The following IKBKB variants were observed in gnomAD, a reference collection of about 807,000 sequenced individuals.
The protein encoded by IKBKB is inhibitor of nuclear factor kappa B kinase subunit beta.
In IKBKB, 42 loss-of-function variants were observed where a neutral mutation model predicts 113.6. The ratio of observed to expected loss-of-function variants is 0.37; its 90% CI spans 0.29 to 0.48. The LOEUF (loss-of-function observed/expected upper bound fraction) is 0.48. Among genes scored for constraint, IKBKB ranks in the 20% least tolerant of loss-of-function variants. The pLI, the probability that IKBKB is intolerant of heterozygous loss-of-function variation, is 0.99. For synonymous variants in IKBKB, 296 were observed against 361.3 expected (o/e 0.82, Z 2.05); for missense variants, 673 against 939.7 (o/e 0.72, Z 3.71).
chr8:42,274,786 G>C (rs796458989), intron 2 of IKBKB, among the ~76,000 whole-genome samples: 136 of 5,442 alleles, frequency 0.025, 8 homozygotes, highest in African/African-American at 0.084. Context: ...CCGCCGGCGC[G>C]CCCCCCCCCC....
chr8:42,311,828 A>C (rs1817764100), intron 8 of IKBKB, among the ~76,000 whole-genome samples: 1 of 152,234 alleles, frequency 6.6e-6, no homozygotes, highest in Non-Finnish European at 1.5e-5. Context: ...CACACTTTAT[A>C]GTATACGCAT....
chr8:42,293,323 TC>T, intron 4 of IKBKB, 119 bp from the exon 5 acceptor site: 1 of 1,203,674 alleles, frequency 8.3e-7, no homozygotes, highest in Non-Finnish European at 1.2e-6. Context: ...CAAAAGCAGG[TC>T]CCCTAAAGAC....
chr8:42,290,391 C>A, intron 4 of IKBKB, 118 bp downstream of exon 4: 1 of 723,776 alleles, frequency 1.4e-6, no homozygotes, highest in Non-Finnish European at 2.4e-6. Flanking sequence ...GCCCCAGTGA[C>A]TCCAGCAGGG....
chr8:42,291,910 T>C (rs1168454367), intron 4 of IKBKB, among the ~76,000 whole-genome samples: 1 of 152,166 alleles, frequency 6.6e-6, no homozygotes, highest in Non-Finnish European at 1.5e-5. Context: ...CCAGCCTGGG[T>C]GACAGAGCAA....
At chr8:42,325,869 C>T in intron 19 of IKBKB, 101 bp from the exon 20 acceptor site, 1 of 1,558,542 alleles carries the variant, frequency 6.4e-7, no homozygotes, top group Non-Finnish European at 8.7e-7. Context: ...TAGCTCTGGC[C>T]TCTGGCAGCC....
intron 6 of IKBKB, among the ~76,000 whole-genome samples, chr8:42,305,733 C>T (rs1432990125): frequency 6.6e-6 from 1 of 152,228 alleles, no homozygotes; most frequent in Non-Finnish European, 1.5e-5. Flanking sequence ...TTTGTGGCCT[C>T]CTCAGTGGCC....
intron 5 of IKBKB, among the ~76,000 whole-genome samples, chr8:42,302,256 G>A (rs115631736): frequency 0.023 from 3,526 of 152,286 alleles, 125 homozygotes; most frequent in South Asian, 0.15. Context: ...AAGTGCTGAT[G>A]AGAAGCATTG....
At chr8:42,325,835 GT>G (rs1408886914) in intron 19 of IKBKB, 134 bp from the exon 20 acceptor site, 24 of 1,491,954 alleles carry the variant, frequency 1.6e-5, no homozygotes, top group Non-Finnish European at 2.0e-5. Context: ...GCAGGTGGGG[GT>G]GCCAACTGGT....
At chr8:42,320,650 G>T in intron 15 of IKBKB, 85 bp from the exon 16 acceptor site, 5 of 1,071,548 alleles carry the variant, frequency 4.7e-6, no homozygotes, top group Non-Finnish European at 4.3e-6. Flanking sequence ...AATGTGGCGG[G>T]TCCCCTGGTC....
In IKBKB at chr8:42,305,167, C is replaced by T. The variant is rs201197790; in HGVS notation, c.389-20C>T. On this transcript the variant is annotated intron_variant, in intron 5 of 21. Coordinates refer to ENST00000520810, the MANE Select transcript of IKBKB (RefSeq NM_001556.3). The stretch of plus-strand genomic sequence containing the variant: ...AAGCATTTTTTAGGCCTAAGAAAAA[C>T]TCACCCCCCTCTTCCTCAGCCTCTG... 177 of 1,584,534 alleles carry T rather than the reference C, an allele frequency of 1.1e-4. No individual in the cohort carries two copies. Among genetic ancestry groups the T allele is most frequent in the Non-Finnish European group, 1.5e-4 (169 of 1,153,642 alleles).
chr8:42,288,573 A>AG lies in IKBKB; in HGVS notation c.106-60dup, dbSNP rs1811908500. ...GGCCTGGAGACCCCTCCCATGCAGC[A>AG]GACAGGGTGGGATTTGGCCTGCAGC... On this transcript the variant is annotated intron_variant, in intron 2 of 21. Transcript: ENST00000520810. 8 of 1,313,600 alleles carry AG rather than the reference A, an allele frequency of 6.1e-6. No homozygotes were observed. In the South Asian group the frequency reaches 1.0e-4, roughly 16 times the overall value. The allele number at this position is 1,313,600 out of a possible 1,614,324, so 81.4% of individuals were successfully genotyped here.
intron 20 of IKBKB, 44 bp from the exon 21 acceptor site, chr8:42,329,080 A>G: frequency 1.4e-6 from 2 of 1,467,080 alleles, no homozygotes; most frequent in Non-Finnish European, 1.9e-6. Flanking sequence ...TAGCTCTGAT[A>G]ACTAATAATG....
Position 42,321,920 on chromosome 8 carries a change from C to T in IKBKB, c.1713C>T (p.Tyr571=). Reference sequence around the variant, plus strand: ...GAGAGGAGCAAGCAAGGGAGCTGTACAGGAGACTAAGGGAAAAACCTCGAG... The same window carrying T: ...GAGAGGAGCAAGCAAGGGAGCTGTATAGGAGACTAAGGGAAAAACCTCGAG... ...DDLEEQAREL[Y]RRLREKPRDQ... is the part of the protein sequence containing the mutation. The change falls in exon 17 of 22, where the codon TAC becomes TAT. Residue 571 remains tyrosine, a synonymous_variant. Coordinates refer to ENST00000520810, the MANE Select transcript of IKBKB (RefSeq NM_001556.3). 1 of 1,613,180 alleles carries T rather than the reference C, an allele frequency of 6.2e-7. No individual in the cohort carries two copies.
chr8:42,303,087 GAGAAT>G (rs1815663002), intron 5 of IKBKB, among the ~76,000 whole-genome samples: 3 of 135,560 alleles, frequency 2.2e-5, no homozygotes, highest in African/African-American at 3.3e-5. Flanking sequence ...GAGAGAGAGA[GAGAAT>G]GAGAGAGAGA....
At position 42,324,552 on chromosome 8, in the gene IKBKB, G is replaced by A. The variant is rs139425086; in HGVS notation, c.1987-1418G>A. On this transcript the variant is annotated intron_variant, in intron 19 of 21. Transcript: ENST00000520810. ...GCTGGGATTACAGGCATGAGCCACC[G>A]CGCCTGGCCTATGTCCATTTTCAAA... 523 of 152,816 alleles carry A rather than the reference G, an allele frequency of 3.4e-3. 5 individuals carry two copies. Among genetic ancestry groups the A allele is most frequent in the African/African-American group, 0.012 (492 of 41,584 alleles). 9.5% of individuals were successfully genotyped at this position (152,816 alleles called of 1,614,324 possible). A position where few individuals can be genotyped will look rare whatever the true frequency, so the allele number is the denominator to read the frequency against.
In IKBKB at chr8:42,331,136, GC is replaced by G; in HGVS notation, c.*160del. On this transcript the variant is annotated 3_prime_UTR_variant, in exon 22 of 22. Transcript: ENST00000520810. ...CATGGTGGTTCCTGCTGCACTGATG[GC>G]CCAGGGGTCTCTGGTATCCAGATGG... 1.8e-6 allele frequency: 2 copies of G among 1,091,632 alleles called. No homozygotes were observed. Among genetic ancestry groups the G allele is most frequent in the Non-Finnish European group, 2.7e-6 (2 of 743,852 alleles). 67.6% of individuals were successfully genotyped at this position (1,091,632 alleles called of 1,614,324 possible).
In IKBKB at chr8:42,317,742, G is replaced by A. The variant is rs200978518; in HGVS notation, c.1211G>A (p.Arg404Gln). ...ACCTATGAGACTCAGATCTCCCCAC[G>A]GCCCCAACCTGAAAGTGTCAGCTGT... The part of the protein sequence containing the change: ...KITYETQISP[R>Q]PQPESVSCIL... The change falls in exon 12 of 22, where the codon CGG (arginine) becomes CAG (glutamine). Residue 404 changes from arginine (R) to glutamine (Q), a missense_variant. Physicochemically the swap from Arg to Gln is conservative, Grantham distance 43. Transcript: ENST00000520810. The A allele has an allele frequency of 3.7e-5, 60 of 1,612,716 alleles. No individual in the cohort carries two copies. The highest frequency in any genetic ancestry group is 1.6e-4 in the Middle Eastern group (1 of 6,082).
chr8:42,308,777 G>A lies in IKBKB; in HGVS notation c.568-124G>A. The A allele has an allele frequency of 4.7e-6, 4 of 856,690 alleles. No homozygotes were observed. In the South Asian group the frequency reaches 6.4e-5, roughly 14 times the overall value. The allele number at this position is 856,690 out of a possible 1,614,324, so 53.1% of individuals were successfully genotyped here. On this transcript the variant is annotated intron_variant, in intron 7 of 21. Transcript: ENST00000520810. ...ATGCCTGGGGTGCCCTCCTCGCCCTGCATGCATGTGCCAGTGCCCTCTAGG... is the reference window on the plus strand; with the variant it reads ...ATGCCTGGGGTGCCCTCCTCGCCCTACATGCATGTGCCAGTGCCCTCTAGG...
rs16891219 is a variant in IKBKB at position 42,320,613 on chromosome 8, G to C, written c.1579-122G>C. 50,603 of 777,154 alleles carry C rather than the reference G, an allele frequency of 0.065. 2,257 individuals are homozygous for C. Among genetic ancestry groups the C allele is most frequent in the Non-Finnish European group, 0.082 (37,338 of 452,976 alleles). The allele number at this position is 777,154 out of a possible 1,614,324, so 48.1% of individuals were successfully genotyped here. On this transcript the variant is annotated intron_variant, in intron 15 of 21. Coordinates refer to ENST00000520810, the MANE Select transcript of IKBKB (RefSeq NM_001556.3). ...CAGACCCCACAGTCCACATTCCTTT[G>C]AGCCAGTCCATTGAGGGTCCTCAGG...
Sources: allele counts gnomAD v4.1 joint callset (sites outside exome capture counted in the v4.1 genomes callset), GRCh38; gene constraint gnomAD v4.1.1; transcripts MANE v1.5; gene names NCBI Gene and HGNC (gene_info 2026-07-23, HGNC 2026-07-21).